OXR1: variants seen among roughly 807,000 people sequenced by gnomAD.
OXR1 encodes the protein oxidation resistance 1.
In OXR1, 41 loss-of-function variants were observed where a neutral mutation model predicts 104.6. The ratio of observed to expected loss-of-function variants is 0.39; its 90% CI spans 0.31 to 0.51. The LOEUF (loss-of-function observed/expected upper bound fraction) is 0.51. Ranked by LOEUF, OXR1 falls within the 20% of genes least tolerant of loss-of-function variation. OXR1 has a pLI of 0.77. For synonymous variants in OXR1, 348 were observed against 348.4 expected (o/e 1.00, Z 0.01); for missense variants, 955 against 1,031.9 (o/e 0.93, Z 1.02).
intron 2 of OXR1, among the ~76,000 whole-genome samples, chr8:106,423,855 G>A (rs1439430802): frequency 6.6e-6 from 1 of 152,064 alleles, no homozygotes. Context: ...TAAAATATAG[G>A]GAAAATGTAA....
rs1444804312 is a variant in OXR1 at position 106,517,754 on chromosome 8, AT to A, written c.24-1185del. 6.6e-5 allele frequency among the ~76,000 whole-genome samples: 10 copies of A among 152,284 alleles called. No individual in the cohort carries two copies. The East Asian group carries it at 1.5e-3, about 23-fold the overall frequency. On this transcript the variant is annotated intron_variant, in intron 2 of 16. Coordinates refer to ENST00000517566, the MANE Select transcript of OXR1 (RefSeq NM_001198533.2). The stretch of plus-strand genomic sequence containing the variant: ...TTGCCAATCTGAGTTACGTGAATCT[AT>A]TTTCATGGATATTAAGATAATATAG...
intron 2 of OXR1, among the ~76,000 whole-genome samples, chr8:106,389,643 G>A (rs1055481951): frequency 2.0e-5 from 3 of 152,170 alleles, no homozygotes; most frequent in African/African-American, 7.2e-5. Flanking sequence ...CTCCCAAAGA[G>A]AAGTATAAAT....
chr8:106,395,249 G>T (rs1180203240), intron 2 of OXR1, among the ~76,000 whole-genome samples: 1 of 152,124 alleles, frequency 6.6e-6, no homozygotes, highest in Non-Finnish European at 1.5e-5. Context: ...AGTCTAGAAT[G>T]AATCCTGTGG....
At chr8:106,536,459 A>T (rs1451365280) in intron 3 of OXR1, among the ~76,000 whole-genome samples, 1 of 152,028 alleles carries the variant, frequency 6.6e-6, no homozygotes, top group Non-Finnish European at 1.5e-5. Flanking sequence ...CACAGAAATG[A>T]CTGAAGACTA....
intron 2 of OXR1, among the ~76,000 whole-genome samples, chr8:106,512,809 C>CA (rs1812624995): frequency 6.6e-6 from 1 of 151,344 alleles, no homozygotes; most frequent in African/African-American, 2.4e-5. Context: ...GAAGATAAGA[C>CA]AAAAAAAGTA....
At chr8:106,610,494 G>A (rs911380933) in intron 3 of OXR1, among the ~76,000 whole-genome samples, 1 of 152,144 alleles carries the variant, frequency 6.6e-6, no homozygotes, top group Non-Finnish European at 1.5e-5. Context: ...TACAATGCAT[G>A]TGAAGACACT....
At chr8:106,622,883 G>T (rs935701212) in intron 3 of OXR1, among the ~76,000 whole-genome samples, 2 of 152,076 alleles carry the variant, frequency 1.3e-5, no homozygotes, top group African/African-American at 2.4e-5. Flanking sequence ...CAAGAGCAGG[G>T]CCTAATACGT....
At position 106,546,649 on chromosome 8, in the gene OXR1, G is replaced by C. The variant is rs529451005; in HGVS notation, c.220+27510G>C. 5.9e-5 allele frequency among the ~76,000 whole-genome samples: 9 copies of C among 152,350 alleles called. No individual in the cohort carries two copies. The South Asian group carries it at 6.2e-4, about 11-fold the overall frequency. On this transcript the variant is annotated intron_variant, in intron 3 of 16. Coordinates refer to ENST00000517566, the MANE Select transcript of OXR1 (RefSeq NM_001198533.2). ...GAAAAAAGGAGCAGTTAGGGGAACA[G>C]TCAATGATGTATTCCCCTCATGGTC...
intron 2 of OXR1, among the ~76,000 whole-genome samples, chr8:106,399,005 A>G (rs906060479): frequency 6.6e-6 from 1 of 152,166 alleles, no homozygotes; most frequent in African/African-American, 2.4e-5. Flanking sequence ...CCAAATTGGA[A>G]TACTAAATCT....
rs375025395 is a variant in OXR1, at chr8:106,430,851, A to G, written c.23+71215A>G. 3.9e-5 allele frequency among the ~76,000 whole-genome samples: 6 copies of G among 152,310 alleles called. No individual in the cohort carries two copies. The South Asian group carries it at 6.2e-4, about 16-fold the overall frequency. On this transcript the variant is annotated intron_variant, in intron 2 of 16. Transcript: ENST00000517566. ...ATGGACTACAGTAATGCAACTCTGA[A>G]TAGTTAAGTGATTTGCTGTAGTAAA...
chr8:106,702,520 C>T (rs1214964588), intron 7 of OXR1, among the ~76,000 whole-genome samples: 2 of 152,184 alleles, frequency 1.3e-5, no homozygotes, highest in African/African-American at 4.8e-5. Context: ...ATTGAGTCTG[C>T]ACTGTATACA....
intron 3 of OXR1, among the ~76,000 whole-genome samples, chr8:106,675,224 A>T (rs1211545700): frequency 1.3e-5 from 2 of 152,226 alleles, no homozygotes; most frequent in East Asian, 3.9e-4. Context: ...AGTGAGAGAT[A>T]TTAACAACCT....
At chr8:106,448,448 T>C (rs1820122049) in intron 2 of OXR1, among the ~76,000 whole-genome samples, 1 of 152,138 alleles carries the variant, frequency 6.6e-6, no homozygotes, top group Non-Finnish European at 1.5e-5. Flanking sequence ...AGAGAGATAA[T>C]CATAATTTGT....
chr8:106,749,720 A>G (rs1198210684), intron 16 of OXR1, among the ~76,000 whole-genome samples: 1 of 152,174 alleles, frequency 6.6e-6, no homozygotes, highest in Admixed American at 6.5e-5. Context: ...CTTTAGATTT[A>G]GAGAATCCCA....
At chr8:106,415,142 G>T (rs894316156) in intron 2 of OXR1, among the ~76,000 whole-genome samples, 3 of 152,096 alleles carry the variant, frequency 2.0e-5, no homozygotes, top group African/African-American at 7.2e-5. Context: ...TGACTCCACA[G>T]TGGCATGCTG....
Position 106,684,287 on chromosome 8 carries a change from G to A in OXR1, c.453G>A (p.Glu151=). The part of the protein sequence containing the change: ...VPDPEYVSSV[E]SSPSLSPVSP... ...ATCCTGAATATGTCTCCAGTGTTGA[G>A]AGCTCTCCATCTCTAAGCCCCGTAA... Residue 151 remains glutamate, a synonymous_variant, in exon 6 of 17, where the codon GAG becomes GAA. Coordinates refer to ENST00000517566, the MANE Select transcript of OXR1 (RefSeq NM_001198533.2). The A allele has an allele frequency of 6.2e-7, 1 of 1,609,378 alleles. No homozygotes were observed. Among genetic ancestry groups the A allele is most frequent in the South Asian group, 1.1e-5 (1 of 90,966 alleles).
intron 1 of OXR1, among the ~76,000 whole-genome samples, chr8:106,316,748 CT>C (rs1207853131): frequency 1.6e-4 from 24 of 151,608 alleles, no homozygotes; most frequent in Admixed American, 1.5e-3. Flanking sequence ...ATCTATCTAT[CT>C]ATCTATCTAT....
intron 2 of OXR1, among the ~76,000 whole-genome samples, chr8:106,397,342 G>A (rs1295955668): frequency 6.6e-6 from 1 of 152,078 alleles, no homozygotes; most frequent in African/African-American, 2.4e-5. Flanking sequence ...TCACACCTTT[G>A]AATCTTAAAT....
At chr8:106,560,806 T>A (rs139770470) in intron 3 of OXR1, among the ~76,000 whole-genome samples, 78 of 152,226 alleles carry the variant, frequency 5.1e-4, no homozygotes, top group African/African-American at 1.8e-3. Flanking sequence ...CCAATGGAGG[T>A]ACCGAGTTCA....
Sources: gnomAD v4.1 joint callset for allele counts (sites outside exome capture counted in the v4.1 genomes callset) on GRCh38, gnomAD v4.1.1 for gene constraint, MANE v1.5 for transcripts, NCBI Gene and HGNC (gene_info 2026-07-23, HGNC 2026-07-21) for gene names.